PINX1: variants seen among roughly 807,000 people sequenced by gnomAD.
PINX1 encodes PIN2/TERF1-interacting telomerase inhibitor 1.
PINX1 carries 34 observed loss-of-function variants against 25.4 expected under a neutral mutation model. That is an observed-to-expected ratio of 1.34 (90% CI 1.02 to 1.78). The LOEUF (loss-of-function observed/expected upper bound fraction) is 1.78, where lower values mean the gene tolerates loss of function less well. Among genes scored for constraint, PINX1 ranks in the 40% most tolerant of loss-of-function variants. The pLI is 0.00. For missense variants in PINX1, 592 were observed against 404.9 expected, an observed-to-expected ratio of 1.46 and a Z score of -3.97; for synonymous variants, 197 against 147.7, an observed-to-expected ratio of 1.33 and a Z score of -2.42.
At chr8:10,825,234 C>T (rs1482291699) in intron 5 of PINX1, 1 of 439,800 alleles carries the variant, frequency 2.3e-6, no homozygotes, top group Non-Finnish European at 4.7e-6. Flanking sequence ...GCTGGCTGTA[C>T]AAGTTAAGAG....
chr8:10,823,656 A>G (rs1797945189), intron 5 of PINX1, among the ~76,000 whole-genome samples: 1 of 152,170 alleles, frequency 6.6e-6, no homozygotes. Context: ...GAATAATTAT[A>G]TATCAGAACT....
At chr8:10,805,823 A>G (rs1435244087) in intron 6 of PINX1, among the ~76,000 whole-genome samples, 1 of 109,792 alleles carries the variant, frequency 9.1e-6, no homozygotes. Flanking sequence ...TGAGGGGGTG[A>G]CAGAGCACAG....
Position 10,765,573 on chromosome 8 carries a change from G to A in PINX1, c.815C>T (p.Ala272Val), listed in dbSNP as rs542506077. Residue 272 changes from alanine (A) to valine (V), a missense_variant, in exon 7 of 7, where the codon GCC becomes GTC. Transcript: ENST00000314787. Reference sequence around the variant, plus strand: ...ATGGTCCCCTGCATCCTGAGCAGAGGCCTTGGAACTCTGGTCCCAGCAGGG... The same window carrying A: ...ATGGTCCCCTGCATCCTGAGCAGAGACCTTGGAACTCTGGTCCCAGCAGGG... ...RGPCWDQSSKASAQDAGDHVQ... is the reference protein window; with the variant it reads ...RGPCWDQSSKVSAQDAGDHVQ... 9.9e-6 allele frequency: 16 copies of A among 1,613,674 alleles called. No homozygotes were observed. The South Asian group carries it at 1.4e-4, about 14-fold the overall frequency.
At chr8:10,815,424 A>G (rs1040636968) in intron 6 of PINX1, among the ~76,000 whole-genome samples, 7 of 152,238 alleles carry the variant, frequency 4.6e-5, no homozygotes, top group African/African-American at 1.7e-4. Flanking sequence ...TTTACTTGGC[A>G]TAGTTTGTTC....
intron 4 of PINX1, among the ~76,000 whole-genome samples, chr8:10,829,084 G>C (rs931117732): frequency 1.5e-4 from 23 of 152,148 alleles, no homozygotes; most frequent in African/African-American, 5.6e-4. Flanking sequence ...TCAGGAGTTG[G>C]AGACCAGCCT....
intron 6 of PINX1, among the ~76,000 whole-genome samples, chr8:10,817,917 A>G (rs1264712012): frequency 7.2e-6 from 1 of 138,506 alleles, no homozygotes; most frequent in Non-Finnish European, 1.6e-5. Flanking sequence ...TGCTGCAACA[A>G]TTGGGGAGGA....
intron 5 of PINX1, among the ~76,000 whole-genome samples, chr8:10,825,061 G>A (rs1797994720): frequency 6.6e-6 from 1 of 152,124 alleles, no homozygotes; most frequent in Admixed American, 6.5e-5. Context: ...GAGAGGGAAG[G>A]GAGGCCCAGC....
At chr8:10,801,344 T>C (rs1802258592) in intron 6 of PINX1, among the ~76,000 whole-genome samples, 1 of 152,168 alleles carries the variant, frequency 6.6e-6, no homozygotes, top group Non-Finnish European at 1.5e-5. Context: ...TCCAAGAAAA[T>C]GATGACTGCA....
chr8:10,790,144 T>A (rs983507438), intron 6 of PINX1, among the ~76,000 whole-genome samples: 9 of 151,984 alleles, frequency 5.9e-5, no homozygotes, highest in Non-Finnish European at 8.8e-5. Flanking sequence ...TTCCAGAAGG[T>A]CCCCATGCTT....
chr8:10,779,831 C>G (rs987686849), intron 6 of PINX1, among the ~76,000 whole-genome samples: 2 of 152,114 alleles, frequency 1.3e-5, no homozygotes, highest in African/African-American at 4.8e-5. Flanking sequence ...GAAGACCAAT[C>G]TAGGAAGAAA....
At chr8:10,826,447 A>T (rs1014775112) in intron 4 of PINX1, among the ~76,000 whole-genome samples, 2 of 152,218 alleles carry the variant, frequency 1.3e-5, no homozygotes, top group Non-Finnish European at 2.9e-5. Flanking sequence ...ATATTTCCTT[A>T]ATTTGCATAC....
intron 1 of PINX1, among the ~76,000 whole-genome samples, chr8:10,835,502 A>T (rs912706600): frequency 1.3e-5 from 2 of 152,236 alleles, no homozygotes; most frequent in Non-Finnish European, 2.9e-5. Flanking sequence ...TACAGATAAT[A>T]ACAATCCCAT....
intron 6 of PINX1, among the ~76,000 whole-genome samples, chr8:10,779,294 A>G (rs1431132145): frequency 6.6e-6 from 1 of 152,230 alleles, no homozygotes; most frequent in Admixed American, 6.5e-5. Flanking sequence ...CCAAGAATAA[A>G]TGTATAAAAT....
At chr8:10,825,072 C>A (rs1045368729) in intron 5 of PINX1, among the ~76,000 whole-genome samples, 8 of 152,196 alleles carry the variant, frequency 5.3e-5, no homozygotes, top group African/African-American at 1.9e-4. Context: ...GAGGCCCAGC[C>A]TCTCCCTGCA....
chr8:10,818,180 G>T (rs990262617), intron 6 of PINX1, among the ~76,000 whole-genome samples: 5 of 152,174 alleles, frequency 3.3e-5, no homozygotes, highest in Non-Finnish European at 5.9e-5. Context: ...CTGGAAGAGA[G>T]AGAGAGATGT....
intron 5 of PINX1, chr8:10,825,248 C>G (rs1797999587): frequency 2.1e-6 from 1 of 475,926 alleles, no homozygotes; most frequent in Non-Finnish European, 4.4e-6. Context: ...TTAAGAGCTT[C>G]CCAGCAATGC....
intron 6 of PINX1, among the ~76,000 whole-genome samples, chr8:10,803,796 T>G (rs1802346839): frequency 6.6e-6 from 1 of 152,238 alleles, no homozygotes; most frequent in Non-Finnish European, 1.5e-5. Flanking sequence ...ACTCTTTTTC[T>G]GTTGAAAACA....
At chr8:10,836,994 T>G (rs1225902767) in intron 1 of PINX1, among the ~76,000 whole-genome samples, 1 of 152,194 alleles carries the variant, frequency 6.6e-6, no homozygotes, top group South Asian at 2.1e-4. Context: ...TGCCACAGTC[T>G]GTTCTGTGCT....
chr8:10,819,446 C>G (rs541444380), intron 6 of PINX1, among the ~76,000 whole-genome samples: 12 of 152,194 alleles, frequency 7.9e-5, no homozygotes, highest in Non-Finnish European at 1.6e-4. Flanking sequence ...ACCATATATT[C>G]CAGATTTTCT....
Sources: allele counts gnomAD v4.1 joint callset (sites outside exome capture counted in the v4.1 genomes callset), GRCh38; gene constraint gnomAD v4.1.1; transcripts MANE v1.5; gene names NCBI Gene and HGNC (gene_info 2026-07-23, HGNC 2026-07-21).